The following MYO6 variants were observed in gnomAD, a reference collection of about 807,000 sequenced individuals.
The protein encoded by MYO6 is unconventional myosin-VI.
Under a neutral mutation model 178.7 loss-of-function variants are expected in MYO6, and 74 were observed. That is an observed-to-expected ratio of 0.41 (90% CI 0.34 to 0.50). MYO6 has a LOEUF of 0.50. Ranked by LOEUF, MYO6 falls within the 20% of genes least tolerant of loss-of-function variation. The pLI, the probability that MYO6 is intolerant of heterozygous loss-of-function variation, is 0.09. For missense variants in MYO6, 1,330 were observed against 1,547.4 expected, an observed-to-expected ratio of 0.86 and a Z score of 2.36; for synonymous variants, 477 against 504.6, an observed-to-expected ratio of 0.95 and a Z score of 0.73.
rs117645416 is a variant in MYO6, at chr6:75,912,064, T to A, written c.3439+366T>A. Among the ~76,000 whole-genome samples, 564 of 152,162 alleles carry A rather than the reference T, an allele frequency of 3.7e-3. 3 individuals carry two copies. In the Middle Eastern group the frequency reaches 0.041, roughly 11 times the overall value. ...TTTAGGTGCTGGTTTTTGGTTACTG[T>A]ATTTTCAAACACTGATGGTGTCTGC... On this transcript the variant is annotated intron_variant, in intron 33 of 34. Coordinates refer to ENST00000369977, the MANE Select transcript of MYO6 (RefSeq NM_004999.4).
intron 28 of MYO6, among the ~76,000 whole-genome samples, chr6:75,893,272 G>A (rs1779047762): frequency 6.6e-6 from 1 of 152,032 alleles, no homozygotes; most frequent in African/African-American, 2.4e-5. Flanking sequence ...GAGTGTATAG[G>A]AATGTGGAAG....
chr6:75,913,772 A>G (rs549761599), intron 33 of MYO6, among the ~76,000 whole-genome samples: 1 of 152,290 alleles, frequency 6.6e-6, no homozygotes, highest in African/African-American at 2.4e-5. Context: ...GGTTACTGTT[A>G]CAGTGATTTG....
intron 32 of MYO6, among the ~76,000 whole-genome samples, chr6:75,909,449 T>G: frequency 6.6e-6 from 1 of 152,232 alleles, no homozygotes; most frequent in Non-Finnish European, 1.5e-5. Flanking sequence ...ATTACCTTGC[T>G]TCAGACTAGT....
At position 75,855,104 on chromosome 6, in the gene MYO6, ACTT is replaced by A. The variant is rs762880152; in HGVS notation, c.1079-34_1079-32del. The A allele has an allele frequency of 2.2e-5, 34 of 1,519,360 alleles. No individual in the cohort carries two copies. The Middle Eastern group carries it at 6.9e-4, about 31-fold the overall frequency. 94.1% of individuals were successfully genotyped at this position (1,519,360 alleles called of 1,614,324 possible). The stretch of plus-strand genomic sequence containing the variant: ...GTCTTGAAAATCTGGTTTATATAAT[ACTT>A]ATTAATTTCAATGAAAATATATTTC... On this transcript the variant is annotated intron_variant, in intron 11 of 34. Transcript: ENST00000369977.
intron 9 of MYO6, among the ~76,000 whole-genome samples, chr6:75,843,372 G>T (rs1774427043): frequency 6.6e-6 from 1 of 152,172 alleles, no homozygotes; most frequent in Admixed American, 6.5e-5. Flanking sequence ...AAAAATGTTT[G>T]CATTTAGACA....
chr6:75,790,683 A>T (rs1434948906), intron 1 of MYO6, among the ~76,000 whole-genome samples: 1 of 152,162 alleles, frequency 6.6e-6, no homozygotes, highest in Non-Finnish European at 1.5e-5. Context: ...CCTGGCCAGA[A>T]ATAGTATCTC....
At chr6:75,905,854 A>G (rs1171197619) in intron 30 of MYO6, among the ~76,000 whole-genome samples, 1 of 152,262 alleles carries the variant, frequency 6.6e-6, no homozygotes, top group Non-Finnish European at 1.5e-5. Context: ...ATGAAAGCAT[A>G]CAGAGACCTT....
At chr6:75,913,160 A>G (rs1292722468) in intron 33 of MYO6, among the ~76,000 whole-genome samples, 3 of 152,196 alleles carry the variant, frequency 2.0e-5, no homozygotes, top group African/African-American at 7.2e-5. Flanking sequence ...CTGTGAGTAT[A>G]AAACAGATTA....
chr6:75,808,531 A>C (rs1161215606), intron 1 of MYO6, among the ~76,000 whole-genome samples: 1 of 152,188 alleles, frequency 6.6e-6, no homozygotes, highest in Non-Finnish European at 1.5e-5. Flanking sequence ...TTTGGGGGGA[A>C]CAAAATTCAG....
At chr6:75,863,232 T>G (rs1269318196) in intron 16 of MYO6, among the ~76,000 whole-genome samples, 11 of 152,242 alleles carry the variant, frequency 7.2e-5, no homozygotes, top group Non-Finnish European at 5.9e-5. Context: ...ATCTGTCTGC[T>G]TATTTGTAAG....
chr6:75,790,920 T>G, intron 1 of MYO6, among the ~76,000 whole-genome samples: 1 of 152,214 alleles, frequency 6.6e-6, no homozygotes, highest in Middle Eastern at 3.4e-3. Flanking sequence ...TCCCTCATAG[T>G]AATATAATAG....
chr6:75,781,604 G>A (rs77928796), intron 1 of MYO6, among the ~76,000 whole-genome samples: 2,572 of 152,156 alleles, frequency 0.017, 71 homozygotes, highest in African/African-American at 0.059. Flanking sequence ...GTCATTTGGA[G>A]AAACTGTTTC....
rs1045754 is a variant in MYO6 at position 75,908,544 on chromosome 6, A to C, written c.3329A>C (p.Lys1110Thr). The change falls in exon 32 of 35, where the codon AAA becomes ACA. Residue 1110 changes from lysine (K) to threonine (T), a missense_variant. Physicochemically the swap from Lys to Thr is moderately conservative, Grantham distance 78. Coordinates refer to ENST00000369977, the MANE Select transcript of MYO6 (RefSeq NM_004999.4). ...AGAGAAGAATTTCATAGGAGACTAA[A>C]AGTGTATCATGCTTGGAAATCTAAG... ...ACREEFHRRL[K>T]VYHAWKSKNK... is the part of the protein sequence containing the mutation. 3 of 1,613,566 alleles carry C rather than the reference A, an allele frequency of 1.9e-6. No homozygotes were observed. The East Asian group carries it at 6.7e-5, about 36-fold the overall frequency.
At chr6:75,805,064 AC>A (rs1769931737) in intron 1 of MYO6, among the ~76,000 whole-genome samples, 1 of 129,202 alleles carries the variant, frequency 7.7e-6, no homozygotes. Flanking sequence ...CACTCTGTCA[AC>A]CCAGGCTGGA....
chr6:75,888,408 A>G (rs1323149570), intron 25 of MYO6, among the ~76,000 whole-genome samples: 1 of 152,126 alleles, frequency 6.6e-6, no homozygotes, highest in Admixed American at 6.5e-5. Flanking sequence ...TGAGCTCAGG[A>G]GTTAGAGACC....
chr6:75,840,722 T>C (rs766355367), intron 8 of MYO6, 40 bp downstream of exon 8: 1 of 1,495,570 alleles, frequency 6.7e-7, no homozygotes, highest in Non-Finnish European at 9.3e-7. Context: ...TTTTGGGGAG[T>C]GTTTGTGAAA....
At position 75,914,972 on chromosome 6, in the gene MYO6, C is replaced by T. The variant is rs142424695; in HGVS notation, c.3818C>T (p.Pro1273Leu). Reference protein sequence around the residue: ...QNAIESRQARPTYATAMLQSL... With the variant: ...QNAIESRQARLTYATAMLQSL... ...GCGATTGAGAGCAGACAGGCTCGGC[C>T]CACCTATGCAACAGCCATGCTGCAG... Residue 1273 changes from proline to leucine, a missense_variant, in exon 35 of 35, where the codon CCC becomes CTC. Physicochemically the swap from Pro to Leu is moderately conservative, Grantham distance 98 (BLOSUM62 -3). Around this residue, in one of 3 missense-constraint regions of MYO6, gnomAD observed 601 missense variants for 626.1 expected, o/e 0.96. Transcript: ENST00000369977. The T allele has an allele frequency of 1.9e-6, 3 of 1,613,718 alleles. No individual in the cohort carries two copies. Among genetic ancestry groups the T allele is most frequent in the Non-Finnish European group, 2.5e-6 (3 of 1,179,970 alleles).
intron 30 of MYO6, among the ~76,000 whole-genome samples, chr6:75,905,599 C>T (rs191764345): frequency 2.3e-4 from 35 of 152,342 alleles, no homozygotes; most frequent in Admixed American, 2.2e-3. Flanking sequence ...CGCGCACCCA[C>T]TGACCTGCGC....
At chr6:75,796,976 C>T (rs546265037) in intron 1 of MYO6, among the ~76,000 whole-genome samples, 1 of 152,226 alleles carries the variant, frequency 6.6e-6, no homozygotes, top group Non-Finnish European at 1.5e-5. Flanking sequence ...TTTTCTTTAT[C>T]CAGTCCATTG....
Sources: allele counts gnomAD v4.1 joint callset (sites outside exome capture counted in the v4.1 genomes callset), GRCh38; gene constraint gnomAD v4.1.1; regional missense constraint gnomAD v4.1.1; transcripts MANE v1.5; gene names NCBI Gene and HGNC (gene_info 2026-07-23, HGNC 2026-07-21).